HOMER2: variants seen among roughly 807,000 people sequenced by gnomAD.
The protein encoded by HOMER2 is homer scaffold protein 2.
Under a neutral mutation model 47.0 loss-of-function variants are expected in HOMER2, and 27 were observed. The ratio of observed to expected loss-of-function variants is 0.57; its 90% confidence interval spans 0.42 to 0.79. The LOEUF is 0.79. Among genes scored for constraint, HOMER2 ranks in the 30% least tolerant of loss-of-function variants. HOMER2 has a pLI of 0.00. For synonymous variants in HOMER2, 161 were observed against 163.8 expected (o/e 0.98, Z 0.13); for missense variants, 443 against 435.0 (o/e 1.02, Z -0.16).
intron 2 of HOMER2, among the ~76,000 whole-genome samples, chr15:82,879,303 C>A (rs1196613371): frequency 1.3e-5 from 2 of 152,150 alleles, no homozygotes; most frequent in Admixed American, 1.3e-4. Context: ...CGAGACCAGC[C>A]TGGACAACAT....
intron 1 of HOMER2, among the ~76,000 whole-genome samples, chr15:82,904,110 C>A (rs1402056973): frequency 6.6e-6 from 1 of 152,190 alleles, no homozygotes; most frequent in Non-Finnish European, 1.5e-5. Flanking sequence ...GCACTCCAGC[C>A]TGGGCGACAG....
At chr15:82,984,615 C>T (rs971241681) in intron 1 of HOMER2, among the ~76,000 whole-genome samples, 5 of 152,032 alleles carry the variant, frequency 3.3e-5, no homozygotes, top group South Asian at 2.1e-4. Context: ...GCCCAGAGTT[C>T]GAGACCAGAC....
At chr15:82,844,372 T>C (rs1378992791), downstream of HOMER2, 4 of 152,276 alleles carry the variant, frequency 2.6e-5, no homozygotes, top group African/African-American at 4.8e-5. Flanking sequence ...AGTAAAAAAA[T>C]TGGAAACAAC....
At chr15:82,923,581 G>A (rs965699870) in intron 1 of HOMER2, among the ~76,000 whole-genome samples, 5 of 151,876 alleles carry the variant, frequency 3.3e-5, no homozygotes, top group Non-Finnish European at 5.9e-5. Context: ...CTCCTGCCTA[G>A]TGGGACCCTG....
At chr15:82,899,485 AT>A (rs1203176498) in intron 1 of HOMER2, among the ~76,000 whole-genome samples, 3 of 152,204 alleles carry the variant, frequency 2.0e-5, no homozygotes, top group Non-Finnish European at 4.4e-5. Flanking sequence ...GTGGACAGAA[AT>A]TTTTTCTTGT....
rs187112999 is a variant in HOMER2 at position 82,896,652 on chromosome 15, T to C, written c.6-3811A>G. On this transcript the variant is annotated intron_variant, in intron 1 of 8. Transcript: ENST00000450735. ...CAGCTCCATTCTGAGGTAGTCACCA[T>C]GGCAGGAAGCTATGGCCCTCCAGAG... Among the ~76,000 whole-genome samples the C allele has an allele frequency of 5.7e-4, 87 of 152,270 alleles. No individual in the cohort carries two copies. The East Asian group carries it at 5.8e-3, about 10-fold the overall frequency.
At chr15:82,929,976 G>A (rs373544384) in intron 1 of HOMER2, among the ~76,000 whole-genome samples, 29 of 152,026 alleles carry the variant, frequency 1.9e-4, no homozygotes, top group South Asian at 1.2e-3. Flanking sequence ...TGATCCGTCC[G>A]CCTCGGCCTC....
At chr15:82,848,364 C>A (rs1201789745), downstream of HOMER2, among the ~76,000 whole-genome samples, 1 of 152,182 alleles carries the variant, frequency 6.6e-6, no homozygotes, top group Admixed American at 6.5e-5. Flanking sequence ...AAGCCTCCCC[C>A]CTGCTCAAGG....
At chr15:82,949,321 G>A (rs2054454178) in intron 1 of HOMER2, among the ~76,000 whole-genome samples, 2 of 152,136 alleles carry the variant, frequency 1.3e-5, no homozygotes, top group African/African-American at 2.4e-5. Flanking sequence ...AAGACAGTGT[G>A]GACAGAGAAA....
downstream of HOMER2, chr15:82,845,260 A>ACACACACG (rs1416681556): frequency 4.8e-5 from 7 of 144,692 alleles, no homozygotes; most frequent in South Asian, 6.5e-4. Flanking sequence ...ACACACACAC[A>ACACACACG]CGCGTGCGCA....
At chr15:82,964,644 T>C (rs956378113) in intron 1 of HOMER2, among the ~76,000 whole-genome samples, 1 of 152,136 alleles carries the variant, frequency 6.6e-6, no homozygotes, top group Admixed American at 6.5e-5. Context: ...TTTGCACCTG[T>C]AATCCCAGCT....
chr15:82,847,387 A>G (rs1484163316), downstream of HOMER2: 1 of 152,218 alleles, frequency 6.6e-6, no homozygotes, highest in Non-Finnish European at 1.5e-5. Flanking sequence ...GGGAGTCCTT[A>G]CTACTCTTAG....
At position 82,849,662 on chromosome 15, in the gene HOMER2, G is replaced by T. The variant is rs1333136100; in HGVS notation, c.*53C>A. The T allele has an allele frequency of 1.3e-6, 2 of 1,503,218 alleles. No individual in the cohort carries two copies. Among genetic ancestry groups the T allele is most frequent in the Non-Finnish European group, 1.8e-6 (2 of 1,098,766 alleles). The allele number at this position is 1,503,218 out of a possible 1,614,324, so 93.1% of individuals were successfully genotyped here. ...ACAGAAGAACGTCCTAGAGCTATCT[G>T]GTCTCGCACACACGCTTGGGACTCA... On this transcript the variant is annotated 3_prime_UTR_variant, in exon 9 of 9. Coordinates refer to ENST00000450735, the MANE Select transcript of HOMER2 (RefSeq NM_004839.4).
chr15:82,938,662 T>G (rs1596370952), intron 1 of HOMER2, among the ~76,000 whole-genome samples: 4 of 152,312 alleles, frequency 2.6e-5, no homozygotes, highest in Non-Finnish European at 5.9e-5. Flanking sequence ...CATCATCAGC[T>G]AGACTTCTCC....
intron 1 of HOMER2, among the ~76,000 whole-genome samples, chr15:82,968,733 G>T (rs1259636764): frequency 2.6e-5 from 4 of 152,160 alleles, no homozygotes; most frequent in Non-Finnish European, 5.9e-5. Flanking sequence ...GTGCTTTGGG[G>T]CTATAGAAAT....
intron 1 of HOMER2, among the ~76,000 whole-genome samples, chr15:82,936,254 C>T (rs1054692588): frequency 5.3e-5 from 8 of 152,208 alleles, no homozygotes; most frequent in Non-Finnish European, 1.2e-4. Context: ...CATCTCACAA[C>T]CACACATTCT....
intron 4 of HOMER2, among the ~76,000 whole-genome samples, chr15:82,860,949 T>C (rs369651446): frequency 1.4e-5 from 1 of 71,100 alleles, no homozygotes; most frequent in Non-Finnish European, 2.8e-5. Flanking sequence ...AGATAGAAGA[T>C]AGAAGATGAG....
intron 1 of HOMER2, among the ~76,000 whole-genome samples, chr15:82,917,020 T>G (rs1288075334): frequency 6.6e-6 from 1 of 152,068 alleles, no homozygotes; most frequent in Non-Finnish European, 1.5e-5. Context: ...CAGGATGGCC[T>G]CGATCTCTTG....
At chr15:82,881,350 C>T (rs1003774697) in intron 2 of HOMER2, among the ~76,000 whole-genome samples, 2 of 152,076 alleles carry the variant, frequency 1.3e-5, no homozygotes, top group Admixed American at 6.6e-5. Context: ...GGAGACAGGC[C>T]CATCGGATTC....
Sources: allele counts gnomAD v4.1 joint callset (sites outside exome capture counted in the v4.1 genomes callset), GRCh38; gene constraint gnomAD v4.1.1; transcripts MANE v1.5; gene names NCBI Gene and HGNC (gene_info 2026-07-23, HGNC 2026-07-21).